Variants in FAT1 observed in about 807,000 individuals in gnomAD.
FAT1 encodes the protein protocadherin Fat 1.
In FAT1, 171 loss-of-function variants were observed where a neutral mutation model predicts 329.8. That is an observed-to-expected ratio of 0.52 (90% CI 0.46 to 0.59). The LOEUF (loss-of-function observed/expected upper bound fraction) is 0.59, where lower values mean the gene tolerates loss of function less well. Among genes scored for constraint, FAT1 ranks in the 20% least tolerant of loss-of-function variants. The probability of loss-of-function intolerance (pLI) is 0.00; values close to 1 mark genes in which losing one functional copy is unlikely to be tolerated. For synonymous variants in FAT1, 2,233 were observed against 2,228.6 expected (o/e 1.00, Z -0.06); for missense variants, 5,672 against 5,774.4 (o/e 0.98, Z 0.57).
chr4:186,591,574 G>A (rs1738241180), intron 26 of FAT1, among the ~76,000 whole-genome samples: 1 of 152,152 alleles, frequency 6.6e-6, no homozygotes, highest in Admixed American at 6.5e-5. Flanking sequence ...GTCAATGAAG[G>A]AGACTGCAAT....
intron 9 of FAT1, among the ~76,000 whole-genome samples, chr4:186,622,305 G>C (rs1560945306): frequency 6.6e-6 from 1 of 152,240 alleles, no homozygotes; most frequent in African/African-American, 2.4e-5. Flanking sequence ...TTTGAAGATT[G>C]CAACAACATT....
intron 1 of FAT1, among the ~76,000 whole-genome samples, chr4:186,715,638 G>A (rs988622930): frequency 2.0e-5 from 3 of 152,114 alleles, no homozygotes; most frequent in Non-Finnish European, 4.4e-5. Flanking sequence ...GGACCTTATC[G>A]CCTAGACTCC....
chr4:186,723,879 G>T (rs1745596943), upstream of FAT1: 1 of 148,358 alleles, frequency 6.7e-6, no homozygotes, highest in Non-Finnish European at 1.5e-5. Context: ...AGATCCCTCC[G>T]CCCCGGCCCC....
At chr4:186,689,528 A>G (rs1743644721) in intron 2 of FAT1, among the ~76,000 whole-genome samples, 1 of 151,728 alleles carries the variant, frequency 6.6e-6, no homozygotes, top group African/African-American at 2.4e-5. Flanking sequence ...GTCCAAGTCA[A>G]AAGACTCCAA....
At position 186,709,133 on chromosome 4, in the gene FAT1, T is replaced by C. The variant is rs1475122701; in HGVS notation, c.695A>G (p.Tyr232Cys). 1.2e-6 allele frequency: 2 copies of C among 1,613,982 alleles called. No individual in the cohort carries two copies. The highest frequency in any genetic ancestry group is 1.7e-5 in the Admixed American group (1 of 60,008). Residue 232 changes from tyrosine to cysteine, a missense_variant, in exon 2 of 27, where the codon TAT becomes TGT. Transcript: ENST00000441802. ...CATGCTGCTGATGCCACTGCTCCCA[T>C]ACAACTTCATGCCACGGTCCGCAGC... ...ILAADRGMKL[Y>C]GSSGISSMAK...
At chr4:186,610,069 C>T (rs2126461303) in intron 14 of FAT1, 54 bp from the exon 15 acceptor site, 1 of 1,099,470 alleles carries the variant, frequency 9.1e-7, no homozygotes, top group Non-Finnish European at 1.4e-6. Flanking sequence ...CACATTTTCC[C>T]ACTATGACTG....
At chr4:186,666,318 G>A (rs559763324) in intron 2 of FAT1, among the ~76,000 whole-genome samples, 2 of 152,248 alleles carry the variant, frequency 1.3e-5, no homozygotes, top group African/African-American at 4.8e-5. Context: ...CAAGCATAAT[G>A]CACACACACT....
rs2126545313 is a variant in FAT1 at position 186,628,717 on chromosome 4, G to C, written c.4370C>G (p.Ser1457Cys). The change falls in exon 8 of 27, where the codon TCT becomes TGT. Residue 1457 changes from serine to cysteine, a missense_variant. Transcript: ENST00000441802. The part of the protein sequence containing the change: ...IDTNDHRPQF[S>C]TSKYEVVIPE... ...AATAACAACTTCATACTTTGATGTA[G>C]AAAACTGAGGACGATGGTCATTTGT... 1 of 1,613,814 alleles carries C rather than the reference G, an allele frequency of 6.2e-7. No homozygotes were observed. Among genetic ancestry groups the C allele is most frequent in the Admixed American group, 1.7e-5 (1 of 60,012 alleles).
chr4:186,692,012 C>T (rs61574653), intron 2 of FAT1, among the ~76,000 whole-genome samples: 12,987 of 151,990 alleles, frequency 0.085, 1,316 homozygotes, highest in African/African-American at 0.24. Context: ...CTGGGACTTA[C>T]TACTTCTCTA....
chr4:186,649,586 C>T (rs185156042), intron 3 of FAT1, among the ~76,000 whole-genome samples: 1 of 152,244 alleles, frequency 6.6e-6, no homozygotes, highest in African/African-American at 2.4e-5. Context: ...TGTCTGATGA[C>T]AGATGCAGAG....
At chr4:186,601,228 G>A (rs1174170702) in intron 21 of FAT1, 41 bp downstream of exon 21, 1 of 1,496,548 alleles carries the variant, frequency 6.7e-7, no homozygotes. Flanking sequence ...TTTATGGTTT[G>A]AAAGTCTTCC....
intron 7 of FAT1, among the ~76,000 whole-genome samples, chr4:186,632,281 T>C (rs1740635962): frequency 6.6e-6 from 1 of 152,200 alleles, no homozygotes; most frequent in South Asian, 2.1e-4. Flanking sequence ...GGGTCTTTAG[T>C]AATGAGAATG....
intron 2 of FAT1, among the ~76,000 whole-genome samples, chr4:186,677,702 G>T (rs981700416): frequency 6.6e-6 from 1 of 151,826 alleles, no homozygotes; most frequent in Non-Finnish European, 1.5e-5. Context: ...GTAACTGTGG[G>T]GCAGACAAAT....
chr4:186,723,357 C>G (rs13124649), intron 1 of FAT1, among the ~76,000 whole-genome samples: 21,140 of 152,224 alleles, frequency 0.14, 1,946 homozygotes, highest in Non-Finnish European at 0.21. Context: ...GCGAGGCCGG[C>G]GCAGCCCGGC....
Position 186,588,482 on chromosome 4 carries a change from C to A in FAT1, c.*110G>T, listed in dbSNP as rs1738060255. 7.6e-7 allele frequency: 1 copy of A among 1,319,472 alleles called. No individual in the cohort carries two copies. The highest frequency in any genetic ancestry group is 1.5e-5 in the African/African-American group (1 of 68,220). 81.7% of individuals were successfully genotyped at this position (1,319,472 alleles called of 1,614,324 possible). On this transcript the variant is annotated 3_prime_UTR_variant, in exon 27 of 27. Transcript: ENST00000441802. ...GGCGCAGGATCCAGCGCAGCCATGC[C>A]CATTCGGCTCACCAAAAAAAGCTTG...
At chr4:186,597,631 A>G (rs1301907354) in intron 24 of FAT1, 51 bp downstream of exon 24, 3 of 1,335,372 alleles carry the variant, frequency 2.2e-6, no homozygotes, top group South Asian at 1.2e-5. Context: ...CTGCCAGTCA[A>G]TATGACGCTA....
At position 186,620,213 on chromosome 4, in the gene FAT1, C is replaced by T. The variant is rs763005237; in HGVS notation, c.6373G>A (p.Glu2125Lys). Residue 2125 changes from glutamate to lysine, a missense_variant, in exon 10 of 27, where the codon GAA becomes AAA. Coordinates refer to ENST00000441802, the MANE Select transcript of FAT1 (RefSeq NM_005245.4). ...CCCAAGGGTCCAATTTGAAAGTGTT[C>T]ATGATGTTCCTTGAGGTAGTAATGC... ...EVHYYLKEHH[E>K]HFQIGPLGEI... 2 of 1,613,980 alleles carry T rather than the reference C, an allele frequency of 1.2e-6. No homozygotes were observed. Among genetic ancestry groups the T allele is most frequent in the East Asian group, 2.2e-5 (1 of 44,878 alleles).
rs142162176 is a variant in FAT1 at position 186,620,088 on chromosome 4, C to T, written c.6498G>A (p.Ala2166=). Residue 2166 remains alanine, a synonymous_variant, in exon 10 of 27, where the codon GCG becomes GCA. Transcript: ENST00000441802. ...TGACAGTGATCGGAACGATAACTTC[C>T]GCTGAAAAGGCCGGGTTCCCTCCAT... ...AKDGGNPAFS[A]EVIVPITVMN... is the part of the protein sequence containing the mutation. The T allele has an allele frequency of 2.0e-4, 325 of 1,613,952 alleles. 1 individual carries two copies. The East Asian group carries it at 3.2e-3, about 16-fold the overall frequency.
At chr4:186,624,807 T>C (rs1192456025) in intron 9 of FAT1, among the ~76,000 whole-genome samples, 1 of 152,254 alleles carries the variant, frequency 6.6e-6, no homozygotes. Flanking sequence ...GGCATTTGTA[T>C]GAACATTTTA....
Sources: allele counts gnomAD v4.1 joint callset (sites outside exome capture counted in the v4.1 genomes callset), GRCh38; gene constraint gnomAD v4.1.1; transcripts MANE v1.5; gene names NCBI Gene and HGNC (gene_info 2026-07-23, HGNC 2026-07-21).